Variants in ZNF750 observed in about 807,000 individuals in gnomAD.
ZNF750 encodes the protein protein ZNF750.
Under a neutral mutation model 31.6 loss-of-function variants are expected in ZNF750, and 10 were observed. That is an observed-to-expected ratio of 0.32 (90% CI 0.19 to 0.54). The LOEUF (loss-of-function observed/expected upper bound fraction) is 0.54. ZNF750 is among the 20% of genes least tolerant of loss of function. ZNF750 has a pLI of 0.95. For missense variants in ZNF750, 914 were observed against 934.9 expected, an observed-to-expected ratio of 0.98 and a Z score of 0.29; for synonymous variants, 400 against 404.9, an observed-to-expected ratio of 0.99 and a Z score of 0.15.
In ZNF750 at chr17:82,830,210, C is replaced by G. The variant is rs2053353749; in HGVS notation, c.2104G>C (p.Ala702Pro). 1.2e-6 allele frequency: 2 copies of G among 1,614,268 alleles called. No individual in the cohort carries two copies. The highest frequency in any genetic ancestry group is 3.3e-5 in the Admixed American group (2 of 60,036). ...LRDAGKSQQG[A>P]KKAKLQDTAR... ...GTGTCCTGCAGCTTCGCCTTCTTAG[C>G]TCCTTGCTGGGATTTTCCAGCATCC... Residue 702 changes from alanine (A) to proline (P), a missense_variant, in exon 3 of 3, where the codon GCT becomes CCT. Physicochemically the swap from Ala to Pro is conservative, Grantham distance 27. Transcript: ENST00000269394.
Position 82,831,356 on chromosome 17 carries a change from G to A in ZNF750, c.1099C>T (p.Pro367Ser), listed in dbSNP as rs530074419. 35 of 1,614,004 alleles carry A rather than the reference G, an allele frequency of 2.2e-5. 4 individuals carry two copies. In the South Asian group the frequency reaches 3.7e-4, roughly 17 times the overall value. Reference sequence around the variant, plus strand: ...ACGTGTTTTCTGTTGGGGTCCGAAGGGTTTAACCTGGAAGGACTCGAGGCT... The same window carrying A: ...ACGTGTTTTCTGTTGGGGTCCGAAGAGTTTAACCTGGAAGGACTCGAGGCT... ...YPASSPSRLNPSDPNRKHVEF... is the reference protein window; with the variant it reads ...YPASSPSRLNSSDPNRKHVEF... The change falls in exon 2 of 3, where the codon CCT becomes TCT. Residue 367 changes from proline (P) to serine (S), a missense_variant. Transcript: ENST00000269394. The surrounding 1 kb of genome is among the most constrained non-coding windows in gnomAD (Gnocchi z 4.6).
Position 82,833,822 on chromosome 17 carries a change from CTG to C in ZNF750, c.-182-1188_-182-1187del, listed in dbSNP as rs369187981. ...CTCAGGTCCTGGGACCCACCAGAGG[CTG>C]TGTGTGTGATGTCAGAGCTGGCCTG... is the stretch of plus-strand genomic sequence containing the variant. On this transcript the variant is annotated intron_variant, in intron 1 of 2. Transcript: ENST00000269394. This position sits in a 1 kb window ranked among gnomAD's most constrained non-coding sequence, Gnocchi z 4.7. Among the ~76,000 whole-genome samples, 1,618 of 152,280 alleles carry C rather than the reference CTG, an allele frequency of 0.011. 30 individuals carry two copies. The highest frequency in any genetic ancestry group is 0.036 in the African/African-American group (1,512 of 41,556).
intron 1 of ZNF750, among the ~76,000 whole-genome samples, chr17:82,834,152 G>T (rs7501531): frequency 0.99 from 151,319 of 152,270 alleles, 75,194 homozygotes; most frequent in East Asian, 1. Flanking sequence ...TTTGCCATGT[G>T]GGCCAGGCTG....
At position 82,833,106 on chromosome 17, in the gene ZNF750, C is replaced by T. The variant is rs1176413178; in HGVS notation, c.-182-470G>A. On this transcript the variant is annotated intron_variant, in intron 1 of 2. Transcript: ENST00000269394. The surrounding 1 kb of genome is among the most constrained non-coding windows in gnomAD (Gnocchi z 4.7). ...ACGCTTGAAGCAGTGGGTGTGTGAT[C>T]GGCCACACTCTCACGTGAAATACGA... Among the ~76,000 whole-genome samples, 3 of 152,056 alleles carry T rather than the reference C, an allele frequency of 2.0e-5. No homozygotes were observed. The highest frequency in any genetic ancestry group is 7.2e-5 in the African/African-American group (3 of 41,404).
chr17:82,834,464 C>A (rs1211684110), intron 1 of ZNF750, among the ~76,000 whole-genome samples: 1 of 152,156 alleles, frequency 6.6e-6, no homozygotes, highest in African/African-American at 2.4e-5. Context: ...AGTTAAATGA[C>A]CCAAATGCCT....
chr17:82,839,504 C>T (rs900408163), intron 1 of ZNF750, among the ~76,000 whole-genome samples: 1 of 150,558 alleles, frequency 6.6e-6, no homozygotes, highest in Non-Finnish European at 1.5e-5. Flanking sequence ...TAAATTCAGC[C>T]CTAATGTACA....
intron 1 of ZNF750, among the ~76,000 whole-genome samples, chr17:82,834,891 T>C (rs941442264): frequency 6.6e-6 from 1 of 151,250 alleles, no homozygotes; most frequent in African/African-American, 2.5e-5. Flanking sequence ...AAAAAAAAAA[T>C]ACATTAAAGT....
In ZNF750 at chr17:82,831,675, C is replaced by A; in HGVS notation, c.780G>T (p.Leu260=). The A allele has an allele frequency of 1.9e-6, 3 of 1,614,054 alleles. No homozygotes were observed. The highest frequency in any genetic ancestry group is 2.7e-5 in the African/African-American group (2 of 74,974). The part of the protein sequence containing the change: ...HGLATIYSPY[L]LAGSSPECDA... ...CACACTCAGGCGAGCTCCCAGCCAG[C>A]AGGTAAGGCGAGTAGATGGTGGCCA... Residue 260 remains leucine (L), a synonymous_variant, in exon 2 of 3, where the codon CTG becomes CTT. Coordinates refer to ENST00000269394, the MANE Select transcript of ZNF750 (RefSeq NM_024702.3). The surrounding 1 kb of genome is among the most constrained non-coding windows in gnomAD (Gnocchi z 4.6).
rs949976762 is a variant in ZNF750 at position 82,833,272 on chromosome 17, C to T, written c.-182-636G>A. On this transcript the variant is annotated intron_variant, in intron 1 of 2. Transcript: ENST00000269394. The surrounding 1 kb of genome is among the most constrained non-coding windows in gnomAD (Gnocchi z 4.7). ...TCTCCCAAGTGCTGTGCGCCCCTGCCGTCGGCCTGTAGAACCCAAGACCAT... is the reference window on the plus strand; with the variant it reads ...TCTCCCAAGTGCTGTGCGCCCCTGCTGTCGGCCTGTAGAACCCAAGACCAT... Among the ~76,000 whole-genome samples, 5 of 152,090 alleles carry T rather than the reference C, an allele frequency of 3.3e-5. No individual in the cohort carries two copies. Among genetic ancestry groups the T allele is most frequent in the East Asian group, 1.9e-4 (1 of 5,178 alleles).
In ZNF750 at chr17:82,833,932, G is replaced by C. The variant is rs984690321; in HGVS notation, c.-182-1296C>G. On this transcript the variant is annotated intron_variant, in intron 1 of 2. Transcript: ENST00000269394. The surrounding 1 kb of genome is among the most constrained non-coding windows in gnomAD (Gnocchi z 4.7). ...TCAGAGGCTGTGCCGCACGCCCAAG[G>C]CTGAGAACAAAGGCTGTTTTTCTTT... is the stretch of plus-strand genomic sequence containing the variant. Among the ~76,000 whole-genome samples, 1 of 151,584 alleles carries C rather than the reference G, an allele frequency of 6.6e-6. No individual in the cohort carries two copies. The highest frequency in any genetic ancestry group is 1.5e-5 in the Non-Finnish European group (1 of 67,916).
Position 82,832,537 on chromosome 17 carries a change from G to A in ZNF750, c.-83C>T. 1.6e-6 allele frequency: 2 copies of A among 1,234,430 alleles called. No homozygotes were observed. The allele number at this position is 1,234,430 out of a possible 1,614,324, so 76.5% of individuals were successfully genotyped here. Reference sequence around the variant, plus strand: ...GCGTGCACTTCGTGGTTTCTAAAGAGGCACCTCCCGCTTTGCTTTCTTTCC... The same window carrying A: ...GCGTGCACTTCGTGGTTTCTAAAGAAGCACCTCCCGCTTTGCTTTCTTTCC... On this transcript the variant is annotated 5_prime_UTR_variant, in exon 2 of 3. Transcript: ENST00000269394. This position sits in a 1 kb window ranked among gnomAD's most constrained non-coding sequence, Gnocchi z 4.9.
Position 82,830,873 on chromosome 17 carries a change from T to C in ZNF750, c.1441A>G (p.Asn481Asp). The C allele has an allele frequency of 2.5e-6, 4 of 1,612,326 alleles. No individual in the cohort carries two copies. The highest frequency in any genetic ancestry group is 3.4e-6 in the Non-Finnish European group (4 of 1,179,950). ...ETTAESPVSLNVVNGDPPAPT... is the reference protein window; with the variant it reads ...ETTAESPVSLDVVNGDPPAPT... The stretch of plus-strand genomic sequence containing the variant: ...GCAGGAGGGTCTCCGTTCACAACAT[T>C]GAGGCTAGAAGAAGCCAAGAAAAAG... Residue 481 changes from asparagine (N) to aspartate (D), a missense_variant, in exon 3 of 3, where the codon AAT becomes GAT. Around this residue, in one of 2 missense-constraint regions of ZNF750, gnomAD observed 880 missense variants for 868.9 expected, o/e 1.01. Coordinates refer to ENST00000269394, the MANE Select transcript of ZNF750 (RefSeq NM_024702.3).
chr17:82,838,202 T>C (rs375778786), intron 1 of ZNF750, among the ~76,000 whole-genome samples: 1 of 152,202 alleles, frequency 6.6e-6, no homozygotes, highest in African/African-American at 2.4e-5. Context: ...GCCAATATAC[T>C]GTCTTTCCAA....
At chr17:82,836,784 G>A (rs1391909378) in intron 1 of ZNF750, among the ~76,000 whole-genome samples, 1 of 152,046 alleles carries the variant, frequency 6.6e-6, no homozygotes, top group African/African-American at 2.4e-5. Context: ...CTTTACAACA[G>A]GCAGGTTACG....
Position 82,831,643 on chromosome 17 carries a change from G to A in ZNF750, c.812C>T (p.Pro271Leu). The change falls in exon 2 of 3, where the codon CCC becomes CTC. Residue 271 changes from proline to leucine, a missense_variant. This residue lies in a region of ZNF750 where 880 missense variants were observed against 868.9 expected (regional missense o/e 1.01). Transcript: ENST00000269394. The surrounding 1 kb of genome is among the most constrained non-coding windows in gnomAD (Gnocchi z 4.6). ...LAGSSPECDA[P>L]LLSVYGTQDP... ...TTGGGTTCCGTAGACTGACAGCAGG[G>A]GTGCGTCACACTCAGGCGAGCTCCC... 4 of 1,614,154 alleles carry A rather than the reference G, an allele frequency of 2.5e-6. No individual in the cohort carries two copies. The highest frequency in any genetic ancestry group is 3.4e-6 in the Non-Finnish European group (4 of 1,180,028).
Position 82,831,056 on chromosome 17 carries a change from C to T in ZNF750, c.1399G>A (p.Ala467Thr). The T allele has an allele frequency of 6.2e-7, 1 of 1,614,150 alleles. No individual in the cohort carries two copies. Among genetic ancestry groups the T allele is most frequent in the South Asian group, 1.1e-5 (1 of 91,088 alleles). ...TCTGCTGTGGTCTCAGCAGCCTGGG[C>T]AGGTAGGCATTCTGTGCTTTTCTTA... ...PVKKSTECLP[A>T]QAAETTAESP... Residue 467 changes from alanine to threonine, a missense_variant, in exon 2 of 3, where the codon GCC becomes ACC. Physicochemically the swap from Ala to Thr is moderately conservative, Grantham distance 58 (BLOSUM62 0). This residue lies in a region of ZNF750 where 880 missense variants were observed against 868.9 expected (regional missense o/e 1.01). Transcript: ENST00000269394. The surrounding 1 kb of genome is among the most constrained non-coding windows in gnomAD (Gnocchi z 4.6).
intron 1 of ZNF750, among the ~76,000 whole-genome samples, chr17:82,839,352 C>CAT (rs1305689424): frequency 5.3e-5 from 8 of 151,440 alleles, no homozygotes; most frequent in Admixed American, 4.6e-4. Context: ...ACCACACACA[C>CAT]ATATATATAA....
intron 1 of ZNF750, among the ~76,000 whole-genome samples, chr17:82,839,239 C>A (rs2054249812): frequency 6.6e-6 from 1 of 152,208 alleles, no homozygotes; most frequent in Non-Finnish European, 1.5e-5. Context: ...CTAAATTCAG[C>A]TGTGTCTAAT....
At chr17:82,834,169 A>AGCTCCTGACCTCAACATAAAT (rs2053764822) in intron 1 of ZNF750, among the ~76,000 whole-genome samples, 1 of 152,052 alleles carries the variant, frequency 6.6e-6, no homozygotes, top group Non-Finnish European at 1.5e-5. Flanking sequence ...GCTGGTCTCG[A>AGCTCCTGACCTCAACATAAAT]GCTCCTGACC....
Sources: gnomAD v4.1 joint callset for allele counts (sites outside exome capture counted in the v4.1 genomes callset) on GRCh38, gnomAD v4.1.1 for gene constraint, gnomAD v4.1.1 regional missense constraint, Gnocchi (gnomAD v3.1) non-coding constraint, MANE v1.5 for transcripts, NCBI Gene and HGNC (gene_info 2026-07-23, HGNC 2026-07-21) for gene names.